Variants in RUBCNL observed in about 807,000 individuals in gnomAD.
RUBCNL encodes the protein protein associated with UVRAG as autophagy enhancer.
Under a neutral mutation model 69.5 loss-of-function variants are expected in RUBCNL, and 62 were observed. The observed-to-expected ratio is 0.89, with a 90% CI of 0.73 to 1.10. The LOEUF is 1.10. Among genes scored for constraint, RUBCNL ranks in the 50% least tolerant of loss-of-function variants. The probability of loss-of-function intolerance (pLI) is 0.00; values close to 1 mark genes in which losing one functional copy is unlikely to be tolerated. For synonymous variants in RUBCNL, 291 were observed against 303.6 expected (o/e 0.96, Z 0.43); for missense variants, 768 against 798.1 (o/e 0.96, Z 0.45).
At chr13:46,357,625 T>C (rs1315642967) in intron 9 of RUBCNL, among the ~76,000 whole-genome samples, 1 of 139,620 alleles carries the variant, frequency 7.2e-6, no homozygotes, top group African/African-American at 2.8e-5. Flanking sequence ...TTGAGGAATT[T>C]TCTTTCTTTT....
intron 3 of RUBCNL, 75 bp downstream of exon 3, chr13:46,371,866 C>T: frequency 6.8e-7 from 1 of 1,467,434 alleles, no homozygotes; most frequent in Non-Finnish European, 9.3e-7. Flanking sequence ...GGGAAGACAA[C>T]AAGGCAGGCT....
At chr13:46,381,998 A>T (rs943094200) in intron 1 of RUBCNL, among the ~76,000 whole-genome samples, 11 of 152,000 alleles carry the variant, frequency 7.2e-5, no homozygotes, top group African/African-American at 2.4e-4. Context: ...GAAAGACCTC[A>T]CTATGTTGCT....
Position 46,336,897 on chromosome 13 carries a change from C to T in RUBCNL, c.*6488G>A, listed in dbSNP as rs761789722. On this transcript the variant is annotated 3_prime_UTR_variant, in exon 15 of 15. Coordinates refer to ENST00000429979, the MANE Select transcript of RUBCNL (RefSeq NM_025113.5). The stretch of plus-strand genomic sequence containing the variant: ...CCTTTATTTTTTAATGTAAGGAATA[C>T]TAGATAATATGGATAACTCAGAGGA... Among the ~76,000 whole-genome samples, 1 of 151,758 alleles carries T rather than the reference C, an allele frequency of 6.6e-6. No homozygotes were observed.
At chr13:46,378,047 T>C in intron 1 of RUBCNL, 42 bp from the exon 2 acceptor site, 2 of 1,014,910 alleles carry the variant, frequency 2.0e-6, no homozygotes, top group Non-Finnish European at 2.9e-6. Context: ...ATGATACCAC[T>C]GCCAGGTATG....
chr13:46,362,531 C>G lies in RUBCNL; in HGVS notation c.986+7G>C. On this transcript the variant is annotated splice_region_variant and intron_variant, in intron 7 of 14. Coordinates refer to ENST00000429979, the MANE Select transcript of RUBCNL (RefSeq NM_025113.5). The stretch of plus-strand genomic sequence containing the variant: ...GTCTATGTGCACTGTGCACAGAAGA[C>G]AGATACCTCTTAGAGGAGCTGCAGG... The G allele has an allele frequency of 1.2e-6, 2 of 1,602,626 alleles. No homozygotes were observed. Among genetic ancestry groups the G allele is most frequent in the Non-Finnish European group, 1.7e-6 (2 of 1,172,550 alleles).
At chr13:46,343,565 G>A (rs2048179497) in intron 14 of RUBCNL, 68 bp from the exon 15 acceptor site, 24 of 1,505,472 alleles carry the variant, frequency 1.6e-5, no homozygotes, top group Admixed American at 5.5e-5. Flanking sequence ...GCAGACATTC[G>A]TCTCCATCCT....
At chr13:46,357,841 G>A (rs2048524830) in intron 9 of RUBCNL, among the ~76,000 whole-genome samples, 1 of 152,036 alleles carries the variant, frequency 6.6e-6, no homozygotes, top group African/African-American at 2.4e-5. Flanking sequence ...TGTTAGCCAG[G>A]CTGGTCTTGA....
upstream of RUBCNL, among the ~76,000 whole-genome samples, chr13:46,388,107 G>A (rs1263229632): frequency 6.7e-6 from 1 of 150,360 alleles, no homozygotes; most frequent in Admixed American, 6.7e-5. Context: ...GGCTACTAGG[G>A]AGGCTGAAGC....
At position 46,360,206 on chromosome 13, in the gene RUBCNL, T is replaced by C. The variant is rs183863674; in HGVS notation, c.1120-575A>G. The stretch of plus-strand genomic sequence containing the variant: ...GAGTTTGAGACCAGCCTGGCCAACA[T>C]AGTGAAACCCTGTCTCTACTAAAAG... On this transcript the variant is annotated intron_variant, in intron 8 of 14. Transcript: ENST00000429979. Among the ~76,000 whole-genome samples the C allele has an allele frequency of 4.0e-3, 607 of 152,178 alleles. 3 individuals carry two copies. The highest frequency in any genetic ancestry group is 3.5e-3 in the Non-Finnish European group (236 of 68,016).
rs1258188585 is a variant in RUBCNL, at chr13:46,339,554, C to G, written c.*3831G>C. 5.3e-5 allele frequency among the ~76,000 whole-genome samples: 8 copies of G among 152,158 alleles called. No homozygotes were observed. The highest frequency in any genetic ancestry group is 1.9e-4 in the African/African-American group (8 of 41,426). On this transcript the variant is annotated 3_prime_UTR_variant, in exon 15 of 15. Transcript: ENST00000429979. ...CCGAAGTCTCAGACAAATGACCACA[C>G]TCTGGGTGGTTTAAAACAACAGGGT... is the stretch of plus-strand genomic sequence containing the variant.
intron 2 of RUBCNL, among the ~76,000 whole-genome samples, chr13:46,376,051 T>C (rs1330984537): frequency 1.3e-5 from 2 of 152,224 alleles, no homozygotes; most frequent in Admixed American, 6.5e-5. Flanking sequence ...ACATTTTCTT[T>C]CCTCTGCTTT....
chr13:46,352,087 CAA>C (rs2048382207), intron 10 of RUBCNL, among the ~76,000 whole-genome samples: 1 of 152,198 alleles, frequency 6.6e-6, no homozygotes, highest in Non-Finnish European at 1.5e-5. Context: ...GTTGGCCTCC[CAA>C]AGTGTTGGGA....
Position 46,368,799 on chromosome 13 carries a change from A to C in RUBCNL, c.552T>G (p.Ser184Arg). Residue 184 changes from serine (S) to arginine (R), a missense_variant, in exon 4 of 15, where the codon AGT becomes AGG. Coordinates refer to ENST00000429979, the MANE Select transcript of RUBCNL (RefSeq NM_025113.5). ...AGGAATTCGAAGAAATGGTTCTTCT[A>C]CTGACTTGAACAGCACCTGCCAATA... ...SAADEGAVQVSRRTISSNSFS... is the reference protein window; with the variant it reads ...SAADEGAVQVRRRTISSNSFS... The C allele has an allele frequency of 6.2e-7, 1 of 1,613,652 alleles. No individual in the cohort carries two copies. The highest frequency in any genetic ancestry group is 8.5e-7 in the Non-Finnish European group (1 of 1,179,676).
chr13:46,357,389 G>A (rs1210198729), intron 9 of RUBCNL, among the ~76,000 whole-genome samples: 4 of 149,780 alleles, frequency 2.7e-5, no homozygotes, highest in African/African-American at 7.4e-5. Flanking sequence ...CAGCGTCACT[G>A]ATAACTCCAA....
intron 12 of RUBCNL, 72 bp from the exon 13 acceptor site, chr13:46,345,672 GTTTTCTC>G: frequency 6.8e-7 from 1 of 1,470,914 alleles, no homozygotes; most frequent in East Asian, 2.3e-5. Context: ...GGGGCCAGTT[GTTTTCTC>G]TTGGCACTCA....
At chr13:46,361,162 T>C (rs886937551) in intron 8 of RUBCNL, among the ~76,000 whole-genome samples, 2 of 152,050 alleles carry the variant, frequency 1.3e-5, no homozygotes, top group South Asian at 2.1e-4. Flanking sequence ...GAAGCGGAGG[T>C]TGCAGTGAGC....
chr13:46,359,306 C>T (rs199893157), intron 9 of RUBCNL, among the ~76,000 whole-genome samples, 180 bp downstream of exon 9: 1 of 145,776 alleles, frequency 6.9e-6, no homozygotes, highest in Non-Finnish European at 1.5e-5. Flanking sequence ...CCATGGTAAA[C>T]AAGAGGAAAA....
upstream of RUBCNL, among the ~76,000 whole-genome samples, chr13:46,389,149 G>A (rs761114045): frequency 7.9e-5 from 12 of 152,204 alleles, no homozygotes; most frequent in Non-Finnish European, 1.8e-4. This position sits in a 1 kb window ranked among gnomAD's most constrained non-coding sequence, Gnocchi z 4.2. Flanking sequence ...ATTATTTTAA[G>A]CAAGTCTGTG....
At position 46,342,513 on chromosome 13, in the gene RUBCNL, A is replaced by G. The variant is rs191266979; in HGVS notation, c.*872T>C. The stretch of plus-strand genomic sequence containing the variant: ...AAAAGAAATTCATAAAGGTTTTGTG[A>G]TTCATTTAACCTTATTAGTCAATGT... On this transcript the variant is annotated 3_prime_UTR_variant, in exon 15 of 15. Transcript: ENST00000429979. The G allele has an allele frequency of 1.3e-5, 2 of 152,386 alleles. No homozygotes were observed. The highest frequency in any genetic ancestry group is 2.9e-5 in the Non-Finnish European group (2 of 68,038). 9.4% of individuals were successfully genotyped at this position (152,386 alleles called of 1,614,324 possible). A position where few individuals can be genotyped will look rare whatever the true frequency, so the allele number is the denominator to read the frequency against.
Sources: allele counts gnomAD v4.1 joint callset (sites outside exome capture counted in the v4.1 genomes callset), GRCh38; gene constraint gnomAD v4.1.1; non-coding constraint Gnocchi (gnomAD v3.1); transcripts MANE v1.5; gene names NCBI Gene and HGNC (gene_info 2026-07-23, HGNC 2026-07-21).